ITPK1: variants seen among roughly 807,000 people sequenced by gnomAD.
ITPK1 encodes inositol-tetrakisphosphate 1-kinase.
In ITPK1, 21 loss-of-function variants were observed where a neutral mutation model predicts 45.3. The observed-to-expected ratio is 0.46, with a 90% CI of 0.33 to 0.67. The LOEUF is 0.67. Ranked by LOEUF, ITPK1 falls within the 30% of genes least tolerant of loss-of-function variation. ITPK1 has a pLI of 0.02. For synonymous variants in ITPK1, 258 were observed against 253.6 expected (o/e 1.02, Z -0.16); for missense variants, 474 against 573.5 (o/e 0.83, Z 1.77).
chr14:92,997,300 G>A (rs17128723), intron 4 of ITPK1, among the ~76,000 whole-genome samples: 5,398 of 152,296 alleles, frequency 0.035, 149 homozygotes, highest in Non-Finnish European at 0.052. Context: ...TTAGGACAGT[G>A]ACCTTTAAAG....
chr14:93,088,728 C>A (rs1217568055), intron 2 of ITPK1, among the ~76,000 whole-genome samples: 2 of 152,052 alleles, frequency 1.3e-5, no homozygotes, highest in Non-Finnish European at 2.9e-5. Flanking sequence ...AACTCCCAGG[C>A]TCAAGCAATC....
intron 2 of ITPK1, among the ~76,000 whole-genome samples, chr14:93,100,337 G>A (rs1449237549): frequency 6.6e-6 from 1 of 152,146 alleles, no homozygotes. Flanking sequence ...CCTTCTATGA[G>A]AAACAGGAAT....
At chr14:93,017,859 G>A (rs1051435320) in intron 3 of ITPK1, among the ~76,000 whole-genome samples, 5 of 152,252 alleles carry the variant, frequency 3.3e-5, no homozygotes, top group African/African-American at 4.8e-5. Flanking sequence ...CAAAGCTTGC[G>A]TGCATTTCTT....
At chr14:93,095,575 T>C (rs76110331) in intron 2 of ITPK1, among the ~76,000 whole-genome samples, 1 of 61,732 alleles carries the variant, frequency 1.6e-5, no homozygotes, top group Non-Finnish European at 4.1e-5. Context: ...ACGGACTAGG[T>C]TTTTTTTTTT....
At position 93,003,619 on chromosome 14, in the gene ITPK1, C is replaced by A. The variant is rs114524800; in HGVS notation, c.247-9622G>T. Among the ~76,000 whole-genome samples the A allele has an allele frequency of 4.9e-3, 745 of 152,316 alleles. 7 individuals are homozygous for A. Among genetic ancestry groups the A allele is most frequent in the African/African-American group, 0.017 (720 of 41,576 alleles). On this transcript the variant is annotated intron_variant, in intron 4 of 10. Coordinates refer to ENST00000267615, the MANE Select transcript of ITPK1 (RefSeq NM_014216.6). ...GCATCCACTGTACGCTGGGACAGGA[C>A]CACCAAGCCTAGCTACCCAGGGTGC...
intron 3 of ITPK1, among the ~76,000 whole-genome samples, chr14:93,019,982 C>T (rs951716263): frequency 2.6e-5 from 4 of 152,224 alleles, no homozygotes; most frequent in African/African-American, 9.7e-5. Flanking sequence ...TCCCTCCCAG[C>T]AGGAGCAAGG....
intron 3 of ITPK1, among the ~76,000 whole-genome samples, chr14:93,059,289 A>G (rs1451713683): frequency 5.2e-4 from 8 of 15,282 alleles, no homozygotes; most frequent in African/African-American, 1.2e-3. Flanking sequence ...TGGAGGGAGT[A>G]TGGGTGACGA....
In ITPK1 at chr14:92,940,958, C is replaced by T. The variant is rs1244315140; in HGVS notation, c.*603G>A. ...TAGTGAGGGAGCACAGCCCAGACCC[C>T]AGCGCGGAACTCCCCTGAGGGGTCT... On this transcript the variant is annotated 3_prime_UTR_variant, in exon 11 of 11. Transcript: ENST00000267615. 7.8e-7 allele frequency: 1 copy of T among 1,286,510 alleles called. No individual in the cohort carries two copies. Among genetic ancestry groups the T allele is most frequent in the African/African-American group, 1.5e-5 (1 of 65,902 alleles). 79.7% of individuals were successfully genotyped at this position (1,286,510 alleles called of 1,614,324 possible).
At chr14:92,984,588 T>C (rs1457465438) in intron 5 of ITPK1, among the ~76,000 whole-genome samples, 2 of 152,232 alleles carry the variant, frequency 1.3e-5, no homozygotes, top group African/African-American at 4.8e-5. Flanking sequence ...AACACATTAC[T>C]AAGGCTCTGA....
At chr14:92,977,874 T>C (rs1886028807) in intron 5 of ITPK1, among the ~76,000 whole-genome samples, 1 of 151,678 alleles carries the variant, frequency 6.6e-6, no homozygotes, top group Admixed American at 6.6e-5. Flanking sequence ...TACAGAAAAA[T>C]GGTACCAGAG....
intron 3 of ITPK1, among the ~76,000 whole-genome samples, chr14:93,031,328 A>C (rs1193636597): frequency 8.5e-5 from 13 of 152,282 alleles, no homozygotes; most frequent in Admixed American, 8.5e-4. Context: ...GAGTGGGGGA[A>C]GCTGGCAAAA....
intron 5 of ITPK1, among the ~76,000 whole-genome samples, chr14:92,984,469 T>C (rs1377932990): frequency 6.6e-6 from 1 of 152,236 alleles, no homozygotes; most frequent in African/African-American, 2.4e-5. Context: ...ATAATTGATA[T>C]TTCACAACTT....
chr14:93,039,524 G>T (rs1416287519), intron 3 of ITPK1, among the ~76,000 whole-genome samples: 4 of 152,198 alleles, frequency 2.6e-5, no homozygotes, highest in African/African-American at 9.7e-5. Context: ...CCCTGTGCCT[G>T]CTGGAGACTT....
chr14:92,960,931 G>A (rs1426725429), intron 7 of ITPK1, among the ~76,000 whole-genome samples: 2 of 152,226 alleles, frequency 1.3e-5, no homozygotes, highest in Non-Finnish European at 2.9e-5. Flanking sequence ...CCTGATTTCA[G>A]ACAACTGACA....
At chr14:92,961,839 C>T (rs1885089346) in intron 7 of ITPK1, among the ~76,000 whole-genome samples, 1 of 152,194 alleles carries the variant, frequency 6.6e-6, no homozygotes, top group African/African-American at 2.4e-5. Flanking sequence ...GGATTAGTGC[C>T]CCTATCAGAA....
chr14:93,027,681 G>A lies in ITPK1; in HGVS notation c.121-10880C>T, dbSNP rs899585729. On this transcript the variant is annotated intron_variant, in intron 3 of 10. Coordinates refer to ENST00000267615, the MANE Select transcript of ITPK1 (RefSeq NM_014216.6). ...TCAGGACTCCTCTGCAGATCTCAGA[G>A]CCCGTGCACTAGTCACTGAGTAAGC... Among the ~76,000 whole-genome samples the A allele has an allele frequency of 1.2e-4, 18 of 152,294 alleles. No homozygotes were observed. In the Middle Eastern group the frequency reaches 0.01, roughly 86 times the overall value.
chr14:93,015,788 GACCCCGA>G (rs1169310684), intron 4 of ITPK1, among the ~76,000 whole-genome samples: 1 of 152,224 alleles, frequency 6.6e-6, no homozygotes, highest in African/African-American at 2.4e-5. Flanking sequence ...CAAGGCGGCT[GACCCCGA>G]ACACACGGGG....
chr14:93,020,528 C>T (rs1888413570), intron 3 of ITPK1, among the ~76,000 whole-genome samples: 1 of 152,206 alleles, frequency 6.6e-6, no homozygotes, highest in South Asian at 2.1e-4. Context: ...TTTCTCAACT[C>T]ACCTCAGCCC....
intron 10 of ITPK1, among the ~76,000 whole-genome samples, chr14:92,945,970 A>T (rs1458813701): frequency 2.6e-5 from 4 of 152,196 alleles, no homozygotes; most frequent in Non-Finnish European, 5.9e-5. Flanking sequence ...GTTTCCCAAC[A>T]TGTAAACTGC....
Sources: gnomAD v4.1 joint callset for allele counts (sites outside exome capture counted in the v4.1 genomes callset) on GRCh38, gnomAD v4.1.1 for gene constraint, MANE v1.5 for transcripts, NCBI Gene and HGNC (gene_info 2026-07-23, HGNC 2026-07-21) for gene names.